The following TAPT1 variants were observed in gnomAD, a reference collection of about 807,000 sequenced individuals.
TAPT1 encodes the protein transmembrane anterior posterior transformation 1.
In TAPT1, 28 loss-of-function variants were observed where a neutral mutation model predicts 65.6. The observed-to-expected ratio is 0.43, with a 90% CI of 0.32 to 0.59. The LOEUF (loss-of-function observed/expected upper bound fraction) is 0.59. TAPT1 is among the 20% of genes least tolerant of loss of function. The pLI, the probability that TAPT1 is intolerant of heterozygous loss-of-function variation, is 0.09. For missense variants in TAPT1, 563 were observed against 679.9 expected (o/e 0.83, Z 1.91); for synonymous variants, 278 against 245.2 (o/e 1.13, Z -1.25).
At chr4:16,222,641 G>A (rs1409392892) in intron 1 of TAPT1, among the ~76,000 whole-genome samples, 1 of 152,224 alleles carries the variant, frequency 6.6e-6, no homozygotes. Context: ...ATAAGACATA[G>A]GTAATATGAA....
rs1056383670 is a variant in TAPT1, at chr4:16,162,911, G to A, written c.*397C>T. ...AATAGTATGAGACTGGAAAGATTAC[G>A]TCGTGGTAAAAGTTTCACAGTTTTC... is the stretch of plus-strand genomic sequence containing the variant. On this transcript the variant is annotated 3_prime_UTR_variant, in exon 14 of 14. Coordinates refer to ENST00000405303, the MANE Select transcript of TAPT1 (RefSeq NM_153365.3). The A allele has an allele frequency of 1.6e-5, 7 of 429,790 alleles. No homozygotes were observed. The highest frequency in any genetic ancestry group is 4.0e-5 in the African/African-American group (2 of 49,394). The allele number at this position is 429,790 out of a possible 1,614,324, so 26.6% of individuals were successfully genotyped here. A position where few individuals can be genotyped will look rare whatever the true frequency, so the allele number is the denominator to read the frequency against.
chr4:16,167,669 T>C (rs1313611198), intron 12 of TAPT1, among the ~76,000 whole-genome samples: 3 of 152,150 alleles, frequency 2.0e-5, no homozygotes, highest in East Asian at 1.9e-4. Flanking sequence ...TCAGCTAATC[T>C]GGAAAGGAGA....
intron 1 of TAPT1, among the ~76,000 whole-genome samples, chr4:16,214,128 T>C (rs899254436): frequency 6.6e-6 from 1 of 152,180 alleles, no homozygotes; most frequent in Non-Finnish European, 1.5e-5. Context: ...GGAATAATTA[T>C]TAAGGGCTAG....
chr4:16,172,299 AATT>A (rs1366606880), intron 11 of TAPT1, among the ~76,000 whole-genome samples: 2 of 152,180 alleles, frequency 1.3e-5, no homozygotes, highest in East Asian at 3.8e-4. Flanking sequence ...CAAATAAGTC[AATT>A]ATTATTTGGC....
chr4:16,162,704 AT>A lies in TAPT1; in HGVS notation c.*603del, dbSNP rs33966438. On this transcript the variant is annotated 3_prime_UTR_variant, in exon 14 of 14. Transcript: ENST00000405303. The stretch of plus-strand genomic sequence containing the variant: ...TTTTTAATAAATAAACTAGTTTAGC[AT>A]TTTTTTTTAACCCTACAAAATGCTA... 2.8e-4 allele frequency: 44 copies of A among 155,614 alleles called. No homozygotes were observed. The highest frequency in any genetic ancestry group is 8.9e-4 in the South Asian group (5 of 5,616). The allele number at this position is 155,614 out of a possible 1,614,324, so 9.6% of individuals were successfully genotyped here. A position where few individuals can be genotyped will look rare whatever the true frequency, so the allele number is the denominator to read the frequency against.
chr4:16,179,403 T>C (rs927079719), intron 8 of TAPT1, 174 bp downstream of exon 8: 4 of 498,028 alleles, frequency 8.0e-6, no homozygotes, highest in African/African-American at 2.0e-5. Flanking sequence ...GTATATGTGG[T>C]CTATTGTTGA....
Position 16,188,262 on chromosome 4 carries a change from T to C in TAPT1, c.706A>G (p.Ile236Val). ...ATGAAAAAGTGAGGAATCACCCCAA[T>C]GTGGGCTCTTTTTCTTTCTTTAGGC... The part of the protein sequence containing the change: ...TEPKERKRAH[I>V]GVIPHFFMAV... The change falls in exon 5 of 14, where the codon ATT becomes GTT. Residue 236 changes from isoleucine to valine, a missense_variant. Transcript: ENST00000405303. 1.2e-6 allele frequency: 2 copies of C among 1,612,412 alleles called. No homozygotes were observed. The highest frequency in any genetic ancestry group is 1.7e-6 in the Non-Finnish European group (2 of 1,178,954).
chr4:16,227,142 T>TTTGGGCAAGAAGGAGC (rs1167012671), upstream of TAPT1: 3 of 455,716 alleles, frequency 6.6e-6, no homozygotes, highest in Non-Finnish European at 1.3e-5. Flanking sequence ...TTCCAAAGCA[T>TTTGGGCAAGAAGGAGC]TTGGGCAAGA....
rs1349085629 is a variant in TAPT1, at chr4:16,166,696, G to C, written c.1411C>G (p.Pro471Ala). 2.5e-6 allele frequency: 4 copies of C among 1,613,884 alleles called. No individual in the cohort carries two copies. In the African/African-American group the frequency reaches 4.0e-5, roughly 16 times the overall value. Residue 471 changes from proline to alanine, a missense_variant, in exon 13 of 14, where the codon CCC (proline) becomes GCC (alanine). Around this residue, in one of 5 missense-constraint regions of TAPT1, gnomAD observed 136 missense variants for 153.9 expected, o/e 0.88. Transcript: ENST00000405303. ...AKMEEKLSNP[P>A]ATCTPGKPSS... is the part of the protein sequence containing the mutation. ...GGCTTGCCTGGAGTGCAGGTTGCGG[G>C]AGGATTCGACAGCTTCTCTTCCATT...
chr4:16,214,118 G>C (rs1750797038), intron 1 of TAPT1, among the ~76,000 whole-genome samples: 1 of 152,170 alleles, frequency 6.6e-6, no homozygotes, highest in African/African-American at 2.4e-5. Flanking sequence ...AATATGGAAA[G>C]GAATAATTAT....
intron 4 of TAPT1, among the ~76,000 whole-genome samples, chr4:16,188,916 T>A (rs901298656): frequency 2.6e-5 from 4 of 151,792 alleles, no homozygotes; most frequent in African/African-American, 9.7e-5. Flanking sequence ...CGACTCTGAC[T>A]CAACCAAAAA....
chr4:16,185,164 T>C (rs904503178), intron 7 of TAPT1, among the ~76,000 whole-genome samples: 32 of 152,088 alleles, frequency 2.1e-4, no homozygotes, highest in African/African-American at 7.7e-4. Flanking sequence ...AAGTTCTTTT[T>C]TTTTTAACCT....
chr4:16,189,476 G>C (rs1749226351), intron 4 of TAPT1, among the ~76,000 whole-genome samples: 1 of 152,176 alleles, frequency 6.6e-6, no homozygotes, highest in Non-Finnish European at 1.5e-5. Context: ...CTACCATTTA[G>C]GGAGCTCCTA....
intron 3 of TAPT1, among the ~76,000 whole-genome samples, chr4:16,199,734 T>C (rs867708793): frequency 5.9e-5 from 9 of 152,128 alleles, no homozygotes; most frequent in Middle Eastern, 6.8e-3. Flanking sequence ...TGGGACTACA[T>C]GTATGTGCCA....
rs1427515745 is a variant in TAPT1, at chr4:16,202,500, T to G, written c.411A>C (p.Ala137=). 7.1e-6 allele frequency: 11 copies of G among 1,552,458 alleles called. No individual in the cohort carries two copies. The highest frequency in any genetic ancestry group is 1.4e-5 in the African/African-American group (1 of 73,118). The change falls in exon 3 of 14, where the codon GCA becomes GCC. Residue 137 remains alanine (A), a synonymous_variant. Coordinates refer to ENST00000405303, the MANE Select transcript of TAPT1 (RefSeq NM_153365.3). ...FTLLPLRVFL[A]LFRLLTLPCY... is the part of the protein sequence containing the mutation. ...AAGGCAAAGTGAGGAGCCTGAATAG[T>G]GCCAGGAAAACTCTTAAAGGAAGCA...
At chr4:16,208,886 T>C (rs549492451) in intron 2 of TAPT1, among the ~76,000 whole-genome samples, 3 of 152,234 alleles carry the variant, frequency 2.0e-5, no homozygotes, top group African/African-American at 4.8e-5. Flanking sequence ...TTTTTTGAGA[T>C]AGGGTCTCAC....
At chr4:16,200,635 A>T (rs1477325257) in intron 3 of TAPT1, among the ~76,000 whole-genome samples, 3 of 152,120 alleles carry the variant, frequency 2.0e-5, no homozygotes, top group African/African-American at 7.2e-5. Flanking sequence ...AATATTAGTA[A>T]TTTTATGTCA....
At chr4:16,195,584 C>T (rs1416289611) in intron 3 of TAPT1, among the ~76,000 whole-genome samples, 1 of 152,126 alleles carries the variant, frequency 6.6e-6, no homozygotes, top group Non-Finnish European at 1.5e-5. Flanking sequence ...GTAAAACCAC[C>T]CTTACAGAAA....
In TAPT1 at chr4:16,162,503, TAAG is replaced by T. The variant is rs1747321046; in HGVS notation, c.*802_*804del. 6.5e-6 allele frequency: 1 copy of T among 152,852 alleles called. No individual in the cohort carries two copies. The highest frequency in any genetic ancestry group is 1.5e-5 in the Non-Finnish European group (1 of 68,234). The allele number at this position is 152,852 out of a possible 1,614,324, so 9.5% of individuals were successfully genotyped here. A position where few individuals can be genotyped will look rare whatever the true frequency, so the allele number is the denominator to read the frequency against. On this transcript the variant is annotated 3_prime_UTR_variant, in exon 14 of 14. Transcript: ENST00000405303. ...TAATTAGTTTTAAAGCAAAATCAGTTAAGTATACCTTAAAGTTAACACTGCTCT... is the reference window on the plus strand; with the variant it reads ...TAATTAGTTTTAAAGCAAAATCAGTTTATACCTTAAAGTTAACACTGCTCT...
Sources: gnomAD v4.1 joint callset for allele counts (sites outside exome capture counted in the v4.1 genomes callset) on GRCh38, gnomAD v4.1.1 for gene constraint, gnomAD v4.1.1 regional missense constraint, MANE v1.5 for transcripts, NCBI Gene and HGNC (gene_info 2026-07-23, HGNC 2026-07-21) for gene names.